The following SLC24A2 variants were observed in gnomAD, a reference collection of about 807,000 sequenced individuals.
SLC24A2 encodes solute carrier family 24 member 2.
SLC24A2 carries 36 observed loss-of-function variants against 62.0 expected under a neutral mutation model. The ratio of observed to expected loss-of-function variants is 0.58; its 90% CI spans 0.44 to 0.77. SLC24A2 has a LOEUF of 0.77. Among genes scored for constraint, SLC24A2 ranks in the 30% least tolerant of loss-of-function variants. The pLI, the probability that SLC24A2 is intolerant of heterozygous loss-of-function variation, is 0.00. For synonymous variants in SLC24A2, 358 were observed against 294.0 expected (o/e 1.22, Z -2.23); for missense variants, 846 against 817.9 (o/e 1.03, Z -0.42).
the SLC24A2 span, among the ~76,000 whole-genome samples, chr9:20,095,794 C>T: frequency 1.3e-5 from 2 of 152,000 alleles, no homozygotes; most frequent in Non-Finnish European, 2.9e-5. Context: ...CTCACATTTC[C>T]ATGTGGCTGG....
the SLC24A2 span, among the ~76,000 whole-genome samples, chr9:19,997,942 T>C: frequency 0.069 from 10,507 of 152,206 alleles, 1,110 homozygotes; most frequent in African/African-American, 0.23. Flanking sequence ...CTCTTTCCAA[T>C]AGGCCCTCCT....
At chr9:19,631,727 G>A (rs908841707) in intron 2 of SLC24A2, among the ~76,000 whole-genome samples, 4 of 152,162 alleles carry the variant, frequency 2.6e-5, no homozygotes, top group African/African-American at 9.7e-5. Context: ...AGGTGACTGG[G>A]TCCAGTGTTG....
chr9:19,604,260 G>C (rs1836923421), intron 4 of SLC24A2, among the ~76,000 whole-genome samples: 1 of 152,096 alleles, frequency 6.6e-6, no homozygotes, highest in Non-Finnish European at 1.5e-5. Context: ...AAGCCCCATG[G>C]GGTGGTCTTG....
At chr9:19,831,360 G>A in the SLC24A2 span, among the ~76,000 whole-genome samples, 5 of 152,030 alleles carry the variant, frequency 3.3e-5, no homozygotes, top group Non-Finnish European at 7.4e-5. Context: ...AAAGTCCACT[G>A]TTTTTTATAG....
chr9:19,990,925 A>ATATATATGTGTG, the SLC24A2 span, among the ~76,000 whole-genome samples: 1 of 142,882 alleles, frequency 7.0e-6, no homozygotes, highest in African/African-American at 2.6e-5. Flanking sequence ...CTAATAGGAT[A>ATATATATGTGTG]TATATATATA....
chr9:20,085,647 T>C, the SLC24A2 span, among the ~76,000 whole-genome samples: 5 of 152,344 alleles, frequency 3.3e-5, no homozygotes, highest in South Asian at 1.0e-3. Flanking sequence ...TTACAGCTAG[T>C]AAATGGCAAA....
the SLC24A2 span, among the ~76,000 whole-genome samples, chr9:20,261,563 C>A: frequency 1.3e-5 from 2 of 152,102 alleles, no homozygotes; most frequent in African/African-American, 4.8e-5. Flanking sequence ...GTAGGCCCCA[C>A]CACCCAACAC....
the SLC24A2 span, among the ~76,000 whole-genome samples, chr9:20,218,078 C>T: frequency 6.6e-6 from 1 of 152,112 alleles, no homozygotes. Flanking sequence ...CAGAGGAGTG[C>T]CTGCAGAAAG....
the SLC24A2 span, among the ~76,000 whole-genome samples, chr9:19,924,254 C>T: frequency 1.3e-5 from 2 of 152,304 alleles, no homozygotes; most frequent in African/African-American, 2.4e-5. Context: ...ATGTCCTTCT[C>T]AGTCAGCTGA....
At chr9:19,840,691 T>G in the SLC24A2 span, among the ~76,000 whole-genome samples, 1 of 152,166 alleles carries the variant, frequency 6.6e-6, no homozygotes, top group Non-Finnish European at 1.5e-5. Context: ...CAATGAGTTT[T>G]GACAAGCGCA....
the SLC24A2 span, among the ~76,000 whole-genome samples, chr9:19,918,101 C>T: frequency 6.6e-6 from 1 of 150,936 alleles, no homozygotes; most frequent in Non-Finnish European, 1.5e-5. Context: ...CATTATCCTT[C>T]GAAATAATCA....
chr9:19,739,784 G>T (rs1381520673), intron 2 of SLC24A2, among the ~76,000 whole-genome samples: 1 of 152,048 alleles, frequency 6.6e-6, no homozygotes, highest in Non-Finnish European at 1.5e-5. Flanking sequence ...GACTAAATAA[G>T]CATTAACTAT....
At chr9:20,280,400 T>G in the SLC24A2 span, among the ~76,000 whole-genome samples, 1 of 152,164 alleles carries the variant, frequency 6.6e-6, no homozygotes, top group Admixed American at 6.5e-5. Flanking sequence ...GAGGCAATTC[T>G]CTGCAGAAGA....
the SLC24A2 span, among the ~76,000 whole-genome samples, chr9:20,138,118 A>C: frequency 6.6e-6 from 1 of 152,140 alleles, no homozygotes; most frequent in South Asian, 2.1e-4. Context: ...CTTTTTTTTA[A>C]TCCTAACCTC....
At chr9:19,678,959 G>T (rs1037077085) in intron 2 of SLC24A2, among the ~76,000 whole-genome samples, 1 of 152,212 alleles carries the variant, frequency 6.6e-6, no homozygotes, top group Non-Finnish European at 1.5e-5. Flanking sequence ...CGCAAGTGAA[G>T]AAAGTAAAAC....
chr9:19,874,075 C>CTTTTTT, the SLC24A2 span, among the ~76,000 whole-genome samples: 71 of 107,272 alleles, frequency 6.6e-4, no homozygotes, highest in South Asian at 8.9e-4. Context: ...CTTTTCTTTT[C>CTTTTTT]TTTTTTTTTT....
At chr9:20,282,308 G>C in the SLC24A2 span, among the ~76,000 whole-genome samples, 1,777 of 152,176 alleles carry the variant, frequency 0.012, 34 homozygotes, top group African/African-American at 0.04. Flanking sequence ...TTGTGTAAAA[G>C]AAATAAACTC....
rs571287624 is a variant in SLC24A2 at position 19,645,679 on chromosome 9, C to T, written c.931-23380G>A. 2.0e-4 allele frequency among the ~76,000 whole-genome samples: 30 copies of T among 152,192 alleles called. 1 individual carries two copies. The South Asian group carries it at 4.6e-3, about 23-fold the overall frequency. ...GTGGGGACAGTGGAGGACATCCCAG[C>T]GGCCCAAGCACCCCATGGCTCTGGA... On this transcript the variant is annotated intron_variant, in intron 2 of 10. Coordinates refer to ENST00000341998, the MANE Select transcript of SLC24A2 (RefSeq NM_020344.4).
At chr9:19,796,015 G>A in the SLC24A2 span, among the ~76,000 whole-genome samples, 44 of 150,118 alleles carry the variant, frequency 2.9e-4, no homozygotes, top group Non-Finnish European at 5.9e-5. Context: ...GCAAACTATC[G>A]TAAGGACAAA....
Sources: gnomAD v4.1 joint callset for allele counts (sites outside exome capture counted in the v4.1 genomes callset) on GRCh38, gnomAD v4.1.1 for gene constraint, MANE v1.5 for transcripts, NCBI Gene and HGNC (gene_info 2026-07-23, HGNC 2026-07-21) for gene names.